The following CDH13 variants were observed in gnomAD, a reference collection of about 807,000 sequenced individuals.
CDH13 encodes cadherin-13.
A neutral mutation model predicts 63.8 loss-of-function variants in CDH13; 24 were observed. The observed-to-expected ratio is 0.38, with a 90% CI of 0.27 to 0.53. The LOEUF (loss-of-function observed/expected upper bound fraction) is 0.53. Ranked by LOEUF, CDH13 falls within the 20% of genes least tolerant of loss-of-function variation. The pLI is 0.85. For synonymous variants in CDH13, 503 were observed against 355.3 expected, an observed-to-expected ratio of 1.42 and a Z score of -4.67; for missense variants, 1,049 against 903.1, an observed-to-expected ratio of 1.16 and a Z score of -2.07.
At chr16:83,625,070 G>C (rs1286303779) in intron 8 of CDH13, among the ~76,000 whole-genome samples, 1 of 152,116 alleles carries the variant, frequency 6.6e-6, no homozygotes, top group Non-Finnish European at 1.5e-5. Flanking sequence ...CTACAAATCA[G>C]GGCTTTTCCC....
intron 5 of CDH13, among the ~76,000 whole-genome samples, chr16:83,258,595 G>C (rs1174432915): frequency 6.6e-6 from 1 of 152,142 alleles, no homozygotes. Context: ...GCGGACCATT[G>C]GCACTTTTCA....
chr16:82,640,446 T>C (rs1231377605), intron 1 of CDH13, among the ~76,000 whole-genome samples: 1 of 152,200 alleles, frequency 6.6e-6, no homozygotes, highest in Non-Finnish European at 1.5e-5. Flanking sequence ...TTTTCTGTAA[T>C]GAGCCATCTA....
intron 10 of CDH13, among the ~76,000 whole-genome samples, chr16:83,734,851 A>G (rs1056814662): frequency 1.3e-5 from 2 of 151,950 alleles, no homozygotes; most frequent in Non-Finnish European, 2.9e-5. Flanking sequence ...CTGGCTCCTC[A>G]TTATCCAGAG....
chr16:82,865,508 C>G lies in CDH13; in HGVS notation c.157+7035C>G, dbSNP rs80200026. Among the ~76,000 whole-genome samples the G allele has an allele frequency of 2.2e-3, 339 of 152,342 alleles. 1 individual carries two copies. The highest frequency in any genetic ancestry group is 7.9e-3 in the African/African-American group (328 of 41,594). On this transcript the variant is annotated intron_variant, in intron 2 of 13. Transcript: ENST00000567109. ...TGCCTAGGCTTGGGGCTTGCACCCT[C>G]TGAAACAATAGCCTGAACTGTATTT...
chr16:83,501,269 G>A (rs995854348), intron 7 of CDH13, among the ~76,000 whole-genome samples: 1 of 152,336 alleles, frequency 6.6e-6, no homozygotes, highest in African/African-American at 2.4e-5. Context: ...TTGAAATTCA[G>A]TGAATGGCAT....
intron 2 of CDH13, among the ~76,000 whole-genome samples, chr16:82,882,150 A>G (rs550561412): frequency 6.0e-4 from 91 of 152,338 alleles, no homozygotes; most frequent in Middle Eastern, 3.4e-3. Flanking sequence ...TTATGATTCA[A>G]TTCACACTTG....
chr16:83,337,922 G>T (rs1220785185), intron 5 of CDH13, among the ~76,000 whole-genome samples: 1 of 151,874 alleles, frequency 6.6e-6, no homozygotes, highest in Non-Finnish European at 1.5e-5. Flanking sequence ...GCTTAGTAAA[G>T]ATAATGAAAC....
chr16:83,237,442 A>G (rs1195776698), intron 5 of CDH13, among the ~76,000 whole-genome samples: 1 of 152,252 alleles, frequency 6.6e-6, no homozygotes, highest in African/African-American at 2.4e-5. Flanking sequence ...CTCTGCAATG[A>G]TAGAAGTGTT....
intron 7 of CDH13, among the ~76,000 whole-genome samples, chr16:83,542,385 G>T (rs1173950134): frequency 1.3e-5 from 2 of 152,192 alleles, no homozygotes; most frequent in Non-Finnish European, 2.9e-5. Flanking sequence ...TCCCCTGGGT[G>T]TTAGGTGCGT....
chr16:82,817,133 G>A lies in CDH13; in HGVS notation c.46-41229G>A, dbSNP rs1042177107. 5.6e-4 allele frequency among the ~76,000 whole-genome samples: 85 copies of A among 152,146 alleles called. 3 individuals are homozygous for A. Among genetic ancestry groups the A allele is most frequent in the Middle Eastern group, 6.8e-3 (2 of 294 alleles). On this transcript the variant is annotated intron_variant, in intron 1 of 13. Transcript: ENST00000567109. ...ACCCTGAAGTCCCATTCTGTACTTT[G>A]TCTTGACTCTCCTTTCATTTCTCTT...
At chr16:83,202,542 G>A (rs2039062280) in intron 4 of CDH13, among the ~76,000 whole-genome samples, 1 of 152,106 alleles carries the variant, frequency 6.6e-6, no homozygotes, top group Non-Finnish European at 1.5e-5. Context: ...AGGCAGAACA[G>A]AATGTCAGGA....
intron 2 of CDH13, among the ~76,000 whole-genome samples, chr16:82,969,268 G>A (rs72790192): frequency 0.028 from 4,280 of 152,192 alleles, 79 homozygotes; most frequent in South Asian, 0.057. Context: ...CTCTGCTACT[G>A]TATATCTAAT....
At chr16:83,424,842 C>G (rs971266902) in intron 6 of CDH13, among the ~76,000 whole-genome samples, 2 of 152,170 alleles carry the variant, frequency 1.3e-5, no homozygotes, top group African/African-American at 2.4e-5. Flanking sequence ...CTCTTCGCAG[C>G]TTGTGCACTC....
chr16:83,671,156 A>G (rs1914466971), intron 9 of CDH13, among the ~76,000 whole-genome samples, 184 bp downstream of exon 9: 1 of 152,240 alleles, frequency 6.6e-6, no homozygotes, highest in African/African-American at 2.4e-5. Context: ...AGCATAAACA[A>G]GCAGCCATAA....
chr16:83,125,267 A>G (rs929180231), intron 3 of CDH13, 118 bp from the exon 4 acceptor site: 14 of 643,158 alleles, frequency 2.2e-5, no homozygotes, highest in Non-Finnish European at 3.7e-5. Flanking sequence ...TTGATGGAAT[A>G]CAGTGAACAC....
intron 7 of CDH13, among the ~76,000 whole-genome samples, chr16:83,554,008 C>T (rs563308257): frequency 9.2e-5 from 14 of 152,242 alleles, no homozygotes; most frequent in Admixed American, 6.5e-4. Context: ...ATATAATTGC[C>T]TGTGTCTCTG....
At chr16:83,593,706 A>G (rs1456155588) in intron 7 of CDH13, among the ~76,000 whole-genome samples, 1 of 152,168 alleles carries the variant, frequency 6.6e-6, no homozygotes, top group Admixed American at 6.5e-5. Context: ...TTGTGTTATA[A>G]TATGACTAAT....
intron 4 of CDH13, among the ~76,000 whole-genome samples, chr16:83,130,058 T>G (rs1011429729): frequency 6.6e-6 from 1 of 152,228 alleles, no homozygotes; most frequent in African/African-American, 2.4e-5. Flanking sequence ...ATTCAGCATC[T>G]GTTTTTATAA....
At chr16:83,700,928 A>G (rs1256539212) in intron 10 of CDH13, among the ~76,000 whole-genome samples, 1 of 152,144 alleles carries the variant, frequency 6.6e-6, no homozygotes, top group African/African-American at 2.4e-5. Context: ...ATTAACAAGG[A>G]TGAATGTAAT....
Sources: gnomAD v4.1 joint callset for allele counts (sites outside exome capture counted in the v4.1 genomes callset) on GRCh38, gnomAD v4.1.1 for gene constraint, MANE v1.5 for transcripts, NCBI Gene and HGNC (gene_info 2026-07-23, HGNC 2026-07-21) for gene names.